FAM120C: variants seen among roughly 807,000 people sequenced by gnomAD.
FAM120C encodes constitutive coactivator of PPAR-gamma-like protein 2.
In FAM120C, 14 loss-of-function variants were observed where a neutral mutation model predicts 71.2. That is an observed-to-expected ratio of 0.20 (90% CI 0.13 to 0.31). The LOEUF (loss-of-function observed/expected upper bound fraction) is 0.31, where lower values mean the gene tolerates loss of function less well. FAM120C is among the 10% of genes least tolerant of loss of function. FAM120C has a pLI of 1.00. For missense variants in FAM120C, 500 were observed against 879.0 expected (o/e 0.57, Z 5.45); for synonymous variants, 354 against 353.2 (o/e 1.00, Z -0.03).
intron 4 of FAM120C, among the ~76,000 whole-genome samples, chrX:54,148,612 A>C (rs1557132651): frequency 8.9e-6 from 1 of 111,922 alleles, no homozygotes; most frequent in East Asian, 2.8e-4. Flanking sequence ...GTGCGACTAC[A>C]CACCAGCCTG....
intron 11 of FAM120C, among the ~76,000 whole-genome samples, chrX:54,090,851 G>C (rs2066820554): frequency 1.8e-5 from 2 of 111,479 alleles, no homozygotes; most frequent in Admixed American, 1.9e-4. Context: ...TCAAACCCAA[G>C]GCAGCCCGGC....
intron 2 of FAM120C, among the ~76,000 whole-genome samples, chrX:54,158,634 T>C (rs1021801092): frequency 4.5e-5 from 5 of 111,203 alleles, no homozygotes; most frequent in East Asian, 2.8e-4. Context: ...CTGGGCATGG[T>C]GGCAGGTGCC....
At chrX:54,141,209 G>A (rs888483583) in intron 4 of FAM120C, among the ~76,000 whole-genome samples, 1 of 110,948 alleles carries the variant, frequency 9.0e-6, no homozygotes, top group Non-Finnish European at 1.9e-5. Context: ...CCAGACTAAG[G>A]ACAGCACAAA....
intron 10 of FAM120C, among the ~76,000 whole-genome samples, chrX:54,106,923 G>T (rs782205228): frequency 9.0e-6 from 1 of 111,709 alleles, no homozygotes; most frequent in South Asian, 3.7e-4. Flanking sequence ...AGGACGTGGA[G>T]AAATAGTAAC....
rs782523984 is a variant in FAM120C, at chrX:54,071,710, T to G, written c.*1323A>C. On this transcript the variant is annotated 3_prime_UTR_variant, in exon 16 of 16. Transcript: ENST00000375180. ...ACCATATGGGATGTGAGGGCTCTGT[T>G]CAAGATTAAGCTTGTAACAACCCAA... is the stretch of plus-strand genomic sequence containing the variant. 5 of 111,958 alleles carry G rather than the reference T, an allele frequency of 4.5e-5. No individual in the cohort carries two copies. Among genetic ancestry groups the G allele is most frequent in the Non-Finnish European group, 9.4e-5 (5 of 53,175 alleles). The allele number at this position is 111,958 out of a possible 1,213,427, so 9.2% of individuals were successfully genotyped here. A position where few individuals can be genotyped will look rare whatever the true frequency, so the allele number is the denominator to read the frequency against.
intron 10 of FAM120C, among the ~76,000 whole-genome samples, chrX:54,100,696 AC>A (rs1333155829): frequency 8.9e-6 from 1 of 111,741 alleles, no homozygotes; most frequent in African/African-American, 3.2e-5. Context: ...ATACACACAT[AC>A]AAAACAAAAG....
chrX:54,157,821 C>A (rs782097956), intron 2 of FAM120C, 50 bp from the exon 3 acceptor site: 4 of 916,710 alleles, frequency 4.4e-6, no homozygotes, highest in Non-Finnish European at 3.1e-6. Context: ...TTTCTTAGAA[C>A]CTCCAGGCCA....
chrX:54,074,793 T>C (rs782385760), intron 15 of FAM120C, among the ~76,000 whole-genome samples: 31 of 112,608 alleles, frequency 2.8e-4, no homozygotes, highest in African/African-American at 9.6e-4. Context: ...CTACATTACC[T>C]TGTAGTGCAG....
intron 9 of FAM120C, among the ~76,000 whole-genome samples, chrX:54,117,538 A>G (rs1333635358): frequency 5.6e-5 from 6 of 106,420 alleles, no homozygotes; most frequent in African/African-American, 1.7e-4. Context: ...CTACCAAAAA[A>G]AAAAAAAAAA....
intron 9 of FAM120C, among the ~76,000 whole-genome samples, chrX:54,126,970 G>A (rs1166292884): frequency 1.8e-5 from 2 of 112,294 alleles, no homozygotes; most frequent in Non-Finnish European, 3.8e-5. Flanking sequence ...GTGGAGGCTC[G>A]GAAGTCTAAG....
chrX:54,161,216 T>C (rs2067234495), intron 1 of FAM120C, among the ~76,000 whole-genome samples: 1 of 112,082 alleles, frequency 8.9e-6, no homozygotes, highest in South Asian at 3.7e-4. Flanking sequence ...TGGTTGAGCA[T>C]CCATTTACCT....
At chrX:54,125,103 T>G (rs1304355013) in intron 9 of FAM120C, among the ~76,000 whole-genome samples, 2 of 108,983 alleles carry the variant, frequency 1.8e-5, no homozygotes, top group Non-Finnish European at 3.8e-5. Context: ...TAATCCCAGT[T>G]GAGGCTGAGG....
At chrX:54,182,406 G>A (rs1033685683) in intron 1 of FAM120C, 94 bp downstream of exon 1, 8 of 1,019,404 alleles carry the variant, frequency 7.8e-6, no homozygotes, top group Admixed American at 6.2e-5. Context: ...GTAGATGGGA[G>A]GTAGGGTAGT....
intron 9 of FAM120C, among the ~76,000 whole-genome samples, chrX:54,119,809 G>A (rs1557127243): frequency 2.1e-5 from 1 of 48,505 alleles, no homozygotes; most frequent in Non-Finnish European, 3.6e-5. Context: ...GTCCTGAATG[G>A]TAATGCCTAG....
At chrX:54,099,008 G>A (rs1162932550) in intron 10 of FAM120C, among the ~76,000 whole-genome samples, 2 of 80,498 alleles carry the variant, frequency 2.5e-5, no homozygotes, top group African/African-American at 9.2e-5. Flanking sequence ...TGCTTTACTT[G>A]TAGGCTTTTT....
At chrX:54,097,333 T>C (rs963047918) in intron 10 of FAM120C, among the ~76,000 whole-genome samples, 1 of 111,955 alleles carries the variant, frequency 8.9e-6, no homozygotes, top group East Asian at 2.8e-4. Flanking sequence ...CTGTTATACC[T>C]TTACAGTAAG....
At chrX:54,128,606 A>G (rs1557128469) in intron 9 of FAM120C, among the ~76,000 whole-genome samples, 1 of 111,172 alleles carries the variant, frequency 9.0e-6, no homozygotes, top group African/African-American at 3.3e-5. Flanking sequence ...TTTCCTAGGC[A>G]AAGGACCCTG....
At chrX:54,104,760 A>G (rs782820556) in intron 10 of FAM120C, among the ~76,000 whole-genome samples, 14 of 108,804 alleles carry the variant, frequency 1.3e-4, no homozygotes, top group African/African-American at 4.0e-4. Flanking sequence ...GTGAGCCAAG[A>G]TCGTGCCACT....
At chrX:54,079,198 C>T (rs1394745245) in intron 15 of FAM120C, among the ~76,000 whole-genome samples, 1 of 101,102 alleles carries the variant, frequency 9.9e-6, no homozygotes, top group Non-Finnish European at 2.0e-5. Flanking sequence ...GGAGGCGGAG[C>T]TCCCAGTGAG....
Sources: gnomAD v4.1 joint callset for allele counts (sites outside exome capture counted in the v4.1 genomes callset) on GRCh38, gnomAD v4.1.1 for gene constraint, MANE v1.5 for transcripts, NCBI Gene and HGNC (gene_info 2026-07-23, HGNC 2026-07-21) for gene names.